KIAA1217: variants seen among roughly 807,000 people sequenced by gnomAD.
KIAA1217 encodes the protein KIAA1217, also known as sickle tail protein homolog.
In KIAA1217, 88 loss-of-function variants were observed where a neutral mutation model predicts 163.9. The ratio of observed to expected loss-of-function variants is 0.54; its 90% CI spans 0.45 to 0.64. The LOEUF is 0.64. KIAA1217 is among the 30% of genes least tolerant of loss of function. The probability of loss-of-function intolerance (pLI) is 0.00; values close to 1 mark genes in which losing one functional copy is unlikely to be tolerated. For synonymous variants in KIAA1217, 903 were observed against 923.1 expected (o/e 0.98, Z 0.39); for missense variants, 2,372 against 2,475.0 (o/e 0.96, Z 0.88).
Position 24,543,672 on chromosome 10 carries a change from G to A in KIAA1217, c.4402G>A (p.Asp1468Asn). 1 of 1,614,068 alleles carries A rather than the reference G, an allele frequency of 6.2e-7. No homozygotes were observed. ...ACTTTCAACTATCTTTGAGGAATGT[G>A]ATGAGGAATTAGAGAGAATGATGAT... Reference protein sequence around the residue: ...KRLSTIFEECDEELERMMMEE... With the variant: ...KRLSTIFEECNEELERMMMEE... Residue 1468 changes from aspartate (D) to asparagine (N), a missense_variant, in exon 19 of 21, where the codon GAT (aspartate) becomes AAT (asparagine). Physicochemically the swap from Asp to Asn is conservative, Grantham distance 23. This residue lies in a region of KIAA1217 where 690 missense variants were observed against 677.5 expected (regional missense o/e 1.02). Transcript: ENST00000376454.
At chr10:23,927,699 G>A (rs768946138) in intron 1 of KIAA1217, among the ~76,000 whole-genome samples, 9 of 152,102 alleles carry the variant, frequency 5.9e-5, no homozygotes, top group Non-Finnish European at 1.0e-4. Context: ...GCTTCTGAAT[G>A]TTTTCTTGCT....
At chr10:24,338,603 A>C (rs2046686791) in intron 2 of KIAA1217, among the ~76,000 whole-genome samples, 1 of 152,208 alleles carries the variant, frequency 6.6e-6, no homozygotes, top group Admixed American at 6.5e-5. Context: ...TACAGTTTTG[A>C]CCTTGATACT....
chr10:24,143,757 A>AT (rs1400251910), intron 2 of KIAA1217, among the ~76,000 whole-genome samples: 12 of 151,754 alleles, frequency 7.9e-5, no homozygotes, highest in Non-Finnish European at 1.5e-5. Flanking sequence ...CCTTATTGAC[A>AT]TATCTGGCCT....
intron 5 of KIAA1217, among the ~76,000 whole-genome samples, chr10:24,458,786 A>C (rs191359287): frequency 4.6e-5 from 7 of 152,288 alleles, no homozygotes; most frequent in Admixed American, 4.6e-4. Context: ...TTCTCTTGGC[A>C]GATTTAATTG....
intron 2 of KIAA1217, among the ~76,000 whole-genome samples, chr10:24,162,091 A>G (rs2065146658): frequency 6.6e-6 from 1 of 152,208 alleles, no homozygotes; most frequent in African/African-American, 2.4e-5. Flanking sequence ...AACTGCAAGT[A>G]TTTTGAAGTG....
chr10:24,387,335 C>T (rs2054148267), intron 3 of KIAA1217, among the ~76,000 whole-genome samples: 1 of 152,104 alleles, frequency 6.6e-6, no homozygotes, highest in Non-Finnish European at 1.5e-5. Flanking sequence ...GCAGAAAAGG[C>T]CTTCGACAAG....
At chr10:24,168,193 A>G (rs981067968) in intron 2 of KIAA1217, among the ~76,000 whole-genome samples, 1 of 152,174 alleles carries the variant, frequency 6.6e-6, no homozygotes, top group African/African-American at 2.4e-5. Context: ...TAAGATTTGA[A>G]TTATTCATCA....
intron 2 of KIAA1217, among the ~76,000 whole-genome samples, chr10:24,317,356 C>T (rs967762998): frequency 3.9e-5 from 6 of 152,086 alleles, no homozygotes; most frequent in African/African-American, 1.4e-4. Flanking sequence ...CGGACTCAAG[C>T]GATTCCCCCA....
intron 2 of KIAA1217, among the ~76,000 whole-genome samples, chr10:24,109,212 C>T (rs978485988): frequency 1.3e-5 from 2 of 152,170 alleles, no homozygotes; most frequent in African/African-American, 4.8e-5. Context: ...CCATGAGTAA[C>T]AACAAAACAA....
chr10:23,920,505 C>T (rs928512485), intron 1 of KIAA1217, among the ~76,000 whole-genome samples: 5 of 152,110 alleles, frequency 3.3e-5, no homozygotes, highest in South Asian at 4.2e-4. Flanking sequence ...ACTTGTGGTG[C>T]GTCATCAGAT....
chr10:24,085,418 A>G (rs2061666095), intron 2 of KIAA1217, among the ~76,000 whole-genome samples: 2 of 152,166 alleles, frequency 1.3e-5, no homozygotes, highest in African/African-American at 2.4e-5. Flanking sequence ...ATTGTTCAGG[A>G]GATGTGAAAC....
At chr10:24,051,882 A>C (rs1282539214) in intron 2 of KIAA1217, among the ~76,000 whole-genome samples, 1 of 151,908 alleles carries the variant, frequency 6.6e-6, no homozygotes, top group East Asian at 1.9e-4. Context: ...CTTTGCAAAA[A>C]TTTTCTCCTA....
chr10:23,945,107 T>A (rs927677543), intron 1 of KIAA1217, among the ~76,000 whole-genome samples: 3 of 145,154 alleles, frequency 2.1e-5, no homozygotes, highest in Admixed American at 6.9e-5. Context: ...ATCCAGTAAA[T>A]CCACTTCTAA....
At chr10:23,916,645 C>G (rs1453577051) in intron 1 of KIAA1217, among the ~76,000 whole-genome samples, 7 of 152,054 alleles carry the variant, frequency 4.6e-5, no homozygotes, top group African/African-American at 1.7e-4. Flanking sequence ...ATTCATGTAG[C>G]CTACATATGC....
intron 5 of KIAA1217, among the ~76,000 whole-genome samples, chr10:24,464,610 C>G (rs2062754813): frequency 6.6e-6 from 1 of 152,068 alleles, no homozygotes; most frequent in Non-Finnish European, 1.5e-5. Flanking sequence ...CTCAGCCTCC[C>G]AAGTAGCTGG....
At chr10:24,008,654 G>C (rs1187603886) in intron 2 of KIAA1217, among the ~76,000 whole-genome samples, 1 of 152,086 alleles carries the variant, frequency 6.6e-6, no homozygotes, top group Non-Finnish European at 1.5e-5. Flanking sequence ...TCAGCTCCCG[G>C]TGATTTACCC....
At chr10:24,170,144 T>C (rs1281819402) in intron 2 of KIAA1217, among the ~76,000 whole-genome samples, 1 of 152,214 alleles carries the variant, frequency 6.6e-6, no homozygotes, top group Non-Finnish European at 1.5e-5. Flanking sequence ...AAGAGTAACA[T>C]TTTCCAATGC....
chr10:24,501,347 C>G, intron 8 of KIAA1217, 32 bp from the exon 9 acceptor site: 1 of 1,587,410 alleles, frequency 6.3e-7, no homozygotes, highest in Non-Finnish European at 8.6e-7. Flanking sequence ...CCTTTGTGGC[C>G]TTCTGAGTTC....
intron 2 of KIAA1217, among the ~76,000 whole-genome samples, chr10:24,103,111 C>G (rs1395131475): frequency 6.6e-6 from 1 of 152,054 alleles, no homozygotes; most frequent in Non-Finnish European, 1.5e-5. Flanking sequence ...TATAAATTAC[C>G]CAGTCTTGAG....
Sources: gnomAD v4.1 joint callset for allele counts (sites outside exome capture counted in the v4.1 genomes callset) on GRCh38, gnomAD v4.1.1 for gene constraint, gnomAD v4.1.1 regional missense constraint, MANE v1.5 for transcripts, NCBI Gene and HGNC (gene_info 2026-07-23, HGNC 2026-07-21) for gene names.